The following FGF14 variants were observed in gnomAD, a reference collection of about 807,000 sequenced individuals.
The protein encoded by FGF14 is fibroblast growth factor 14.
Under a neutral mutation model 25.5 loss-of-function variants are expected in FGF14, and 5 were observed. That is an observed-to-expected ratio of 0.20 (90% CI 0.10 to 0.41). FGF14 has a LOEUF of 0.41. FGF14 is among the 10% of genes least tolerant of loss of function. The probability of loss-of-function intolerance (pLI) is 1.00; values close to 1 mark genes in which losing one functional copy is unlikely to be tolerated. For synonymous variants in FGF14, 138 were observed against 118.3 expected (o/e 1.17, Z -1.08); for missense variants, 222 against 320.1 (o/e 0.69, Z 2.34).
At chr13:101,802,254 A>G (rs1193404897) in intron 3 of FGF14, 1 of 260,046 alleles carries the variant, frequency 3.8e-6, no homozygotes, top group Non-Finnish European at 7.7e-6. Flanking sequence ...GAATAACTTA[A>G]GTGACAGGAC....
intron 1 of FGF14, among the ~76,000 whole-genome samples, chr13:102,386,600 A>G (rs933141877): frequency 2.6e-5 from 4 of 152,222 alleles, no homozygotes; most frequent in Non-Finnish European, 5.9e-5. Context: ...TCTGCTTTCA[A>G]TAACAAAAGC....
At chr13:102,303,657 C>T (rs1304915541) in intron 1 of FGF14, among the ~76,000 whole-genome samples, 1 of 152,180 alleles carries the variant, frequency 6.6e-6, no homozygotes, top group African/African-American at 2.4e-5. Context: ...AAATGTCCCA[C>T]AGCTATAGCT....
At position 101,721,393 on chromosome 13, in the gene FGF14, A is replaced by G. The variant is rs1019908865; in HGVS notation, c.*1438T>C. 6.6e-6 allele frequency: 1 copy of G among 151,920 alleles called. No homozygotes were observed. The highest frequency in any genetic ancestry group is 2.4e-5 in the African/African-American group (1 of 41,378). The allele number at this position is 151,920 out of a possible 1,614,324, so 9.4% of individuals were successfully genotyped here. A position where few individuals can be genotyped will look rare whatever the true frequency, so the allele number is the denominator to read the frequency against. ...AATTAAGAATGCAAAATAAAAGAAA[A>G]TAAATGGAATGGACCAAAATCCTCA... On this transcript the variant is annotated 3_prime_UTR_variant, in exon 5 of 5. Transcript: ENST00000376143.
intron 1 of FGF14, among the ~76,000 whole-genome samples, chr13:102,103,647 A>T (rs72665309): frequency 1.9e-3 from 283 of 152,302 alleles, no homozygotes; most frequent in Non-Finnish European, 3.0e-3. Context: ...GCCCAACAAG[A>T]TCTCCTCAAT....
intron 1 of FGF14, among the ~76,000 whole-genome samples, chr13:101,989,057 C>A (rs1399794536): frequency 2.6e-5 from 4 of 151,814 alleles, no homozygotes; most frequent in African/African-American, 9.7e-5. Flanking sequence ...CGCCAGTCTT[C>A]CTCAGTTTTT....
chr13:101,735,603 A>G (rs1183801293), intron 3 of FGF14, among the ~76,000 whole-genome samples: 3 of 152,084 alleles, frequency 2.0e-5, no homozygotes, highest in Non-Finnish European at 4.4e-5. Context: ...CTCACTGATC[A>G]ATTAAAGAAA....
At chr13:101,835,421 A>T (rs958807) in intron 3 of FGF14, among the ~76,000 whole-genome samples, 87,279 of 151,904 alleles carry the variant, frequency 0.57, 25,656 homozygotes, top group East Asian at 0.92. Context: ...TTTAGTTTTC[A>T]TTTCCCTGAA....
In FGF14 at chr13:101,868,887, T is replaced by A. The variant is rs2044882952; in HGVS notation, c.305-59A>T. The A allele has an allele frequency of 5.4e-6, 6 of 1,117,464 alleles. No homozygotes were observed. In the South Asian group the frequency reaches 7.4e-5, roughly 14 times the overall value. The allele number at this position is 1,117,464 out of a possible 1,614,324, so 69.2% of individuals were successfully genotyped here. A position where few individuals can be genotyped will look rare whatever the true frequency, so the allele number is the denominator to read the frequency against. ...CAGGAAGAAGCAGGGCAGAGTGTAA[T>A]TTTTTCTTTCTGATTTATTTTATTT... On this transcript the variant is annotated intron_variant, in intron 2 of 4. Transcript: ENST00000376143.
At chr13:102,357,936 A>C (rs1294903214) in intron 1 of FGF14, among the ~76,000 whole-genome samples, 1 of 152,146 alleles carries the variant, frequency 6.6e-6, no homozygotes, top group African/African-American at 2.4e-5. Flanking sequence ...CAGCAGTTAC[A>C]CACCAAACAG....
intron 1 of FGF14, among the ~76,000 whole-genome samples, chr13:102,258,693 C>T (rs1397748353): frequency 6.6e-6 from 1 of 152,158 alleles, no homozygotes; most frequent in Admixed American, 6.5e-5. Flanking sequence ...ACTGATTCCA[C>T]CTGTTGTGCT....
intron 1 of FGF14, among the ~76,000 whole-genome samples, chr13:101,950,161 C>G (rs767619698): frequency 1.1e-4 from 16 of 152,066 alleles, no homozygotes; most frequent in African/African-American, 1.4e-4. Context: ...GCCTGGGTTT[C>G]TAAGTCATTA....
intron 1 of FGF14, among the ~76,000 whole-genome samples, chr13:102,042,569 C>CAAAAATGTCT (rs1488130986): frequency 6.6e-6 from 1 of 151,958 alleles, no homozygotes; most frequent in Non-Finnish European, 1.5e-5. Flanking sequence ...TGCTCAAAGC[C>CAAAAATGTCT]AAAAATGTCT....
chr13:101,728,727 A>T (rs146473616), intron 3 of FGF14, among the ~76,000 whole-genome samples: 2 of 152,262 alleles, frequency 1.3e-5, no homozygotes, highest in Non-Finnish European at 2.9e-5. Context: ...ATCAGCTATG[A>T]GTGACATGCT....
chr13:102,111,654 T>C (rs971210887), intron 1 of FGF14, among the ~76,000 whole-genome samples: 5 of 150,884 alleles, frequency 3.3e-5, no homozygotes, highest in Admixed American at 6.6e-5. Flanking sequence ...AGGTGGAGGC[T>C]GCAGTGAGCC....
intron 1 of FGF14, among the ~76,000 whole-genome samples, chr13:101,991,504 A>T (rs1480094649): frequency 6.6e-6 from 1 of 152,136 alleles, no homozygotes; most frequent in African/African-American, 2.4e-5. Flanking sequence ...TTCTAGTCTG[A>T]CGTGCAAAGG....
chr13:102,284,877 GCT>G (rs1005383443), intron 1 of FGF14, among the ~76,000 whole-genome samples: 5 of 151,666 alleles, frequency 3.3e-5, no homozygotes, highest in African/African-American at 1.2e-4. Flanking sequence ...TTAAGTCTTA[GCT>G]CTCTCTCACC....
Position 101,891,778 on chromosome 13 carries a change from A to T in FGF14, c.194-16482T>A, listed in dbSNP as rs753560633. Among the ~76,000 whole-genome samples, 4 of 152,204 alleles carry T rather than the reference A, an allele frequency of 2.6e-5. No individual in the cohort carries two copies. In the South Asian group the frequency reaches 8.3e-4, roughly 31 times the overall value. On this transcript the variant is annotated intron_variant, in intron 1 of 4. Coordinates refer to ENST00000376143, the MANE Select transcript of FGF14 (RefSeq NM_004115.4). ...GAAACTTAACCCAATCAGAAATTTA[A>T]CAATGTTCACACAGTTAGAAAGTTG...
chr13:102,169,135 A>G (rs2048140882), intron 1 of FGF14, among the ~76,000 whole-genome samples: 2 of 151,096 alleles, frequency 1.3e-5, no homozygotes, highest in African/African-American at 4.9e-5. Context: ...TTAGGCAACT[A>G]GATTACACTA....
rs777335453 is a variant in FGF14, at chr13:102,201,042, C to CA, written c.208+200428_208+200429insT. On this transcript the variant is annotated intron_variant, in intron 1 of 4. Transcript: ENST00000376131. ...GCGTGAACCCGGGAGGCGGAGCTTG[C>CA]TTGAGCTGAGATCGCGCCACTGCAC... Among the ~76,000 whole-genome samples, 103 of 129,216 alleles carry CA rather than the reference C, an allele frequency of 8.0e-4. 2 individuals carry two copies. The East Asian group carries it at 0.022, about 28-fold the overall frequency. 84.8% of individuals were successfully genotyped at this position (129,216 alleles called of 152,430 possible).
Sources: gnomAD v4.1 joint callset for allele counts (sites outside exome capture counted in the v4.1 genomes callset) on GRCh38, gnomAD v4.1.1 for gene constraint, MANE v1.5 for transcripts, NCBI Gene and HGNC (gene_info 2026-07-23, HGNC 2026-07-21) for gene names.